SEC62: variants seen among roughly 807,000 people sequenced by gnomAD.
SEC62 encodes the protein translocation protein SEC62.
Under a neutral mutation model 47.5 loss-of-function variants are expected in SEC62, and 10 were observed. That is an observed-to-expected ratio of 0.21 (90% confidence interval 0.13 to 0.36). The LOEUF (loss-of-function observed/expected upper bound fraction) is 0.36, where lower values mean the gene tolerates loss of function less well. SEC62 is among the 10% of genes least tolerant of loss of function. The pLI is 1.00. For missense variants in SEC62, 327 were observed against 464.1 expected, an observed-to-expected ratio of 0.70 and a Z score of 2.71; for synonymous variants, 136 against 150.5, an observed-to-expected ratio of 0.90 and a Z score of 0.71.
chr3:169,993,210 C>T lies in SEC62; in HGVS notation c.*147C>T. 1 of 633,930 alleles carries T rather than the reference C, an allele frequency of 1.6e-6. No individual in the cohort carries two copies. The highest frequency in any genetic ancestry group is 2.8e-5 in the East Asian group (1 of 35,604). 39.3% of individuals were successfully genotyped at this position (633,930 alleles called of 1,614,324 possible). On this transcript the variant is annotated 3_prime_UTR_variant, in exon 8 of 8. Coordinates refer to ENST00000337002, the MANE Select transcript of SEC62 (RefSeq NM_003262.4). The stretch of plus-strand genomic sequence containing the variant: ...TGACATTCAAGCAGTTATATTCGGT[C>T]CTTCATTTTATAGAATATTGGCACT...
intron 1 of SEC62, among the ~76,000 whole-genome samples, chr3:169,970,526 CA>C (rs1183107495): frequency 1.3e-5 from 2 of 152,110 alleles, no homozygotes; most frequent in African/African-American, 4.8e-5. Context: ...TTAGAAATGT[CA>C]AACTCTATCT....
chr3:169,987,855 T>C (rs1187114668), intron 6 of SEC62, among the ~76,000 whole-genome samples: 3 of 152,208 alleles, frequency 2.0e-5, no homozygotes, highest in Non-Finnish European at 4.4e-5. Flanking sequence ...TCATTTTTTG[T>C]TGGCTTTGTT....
intron 7 of SEC62, among the ~76,000 whole-genome samples, chr3:169,991,752 C>T (rs1715253205): frequency 6.6e-6 from 1 of 152,122 alleles, no homozygotes; most frequent in Non-Finnish European, 1.5e-5. Context: ...CTTTCTAATA[C>T]TGGGGTTCCT....
chr3:169,991,586 A>C (rs758625318), intron 7 of SEC62, among the ~76,000 whole-genome samples: 1 of 152,072 alleles, frequency 6.6e-6, no homozygotes, highest in Non-Finnish European at 1.5e-5. Flanking sequence ...GGTGGCACGT[A>C]CCTGCTACTT....
At chr3:169,988,484 C>T in intron 7 of SEC62, 125 bp downstream of exon 7, 13 of 1,004,324 alleles carry the variant, frequency 1.3e-5, no homozygotes, top group Non-Finnish European at 1.9e-5. Flanking sequence ...TATGGTACTA[C>T]TTTCTGAGTC....
intron 3 of SEC62, chr3:169,978,430 G>A (rs6778063): frequency 0.28 from 43,019 of 151,958 alleles, 7,276 homozygotes; most frequent in African/African-American, 0.47. Flanking sequence ...TTAGCTCCAC[G>A]GTACAAACTT....
chr3:169,989,100 A>AT lies in SEC62; in HGVS notation c.730+743dup, dbSNP rs777590582. ...TCTGGATGATTGGGGTCTTTCATAG[A>AT]TTATTTGTTTAGAGGCAGGGTCTTG... On this transcript the variant is annotated intron_variant, in intron 7 of 7. Transcript: ENST00000337002. Among the ~76,000 whole-genome samples, 160 of 151,052 alleles carry AT rather than the reference A, an allele frequency of 1.1e-3. 1 individual carries two copies. The highest frequency in any genetic ancestry group is 1.9e-3 in the Non-Finnish European group (126 of 67,850).
In SEC62 at chr3:169,988,356, G is replaced by A. The variant is rs769022898; in HGVS notation, c.727G>A (p.Val243Ile). Residue 243 changes from valine to isoleucine, a missense_variant, in exon 7 of 8, where the codon GTT (valine) becomes ATT (isoleucine). By Grantham distance (29) the Val-to-Ile change is conservative. This residue lies in a region of SEC62 where 99 missense variants were observed against 194.0 expected (regional missense o/e 0.51). Coordinates refer to ENST00000337002, the MANE Select transcript of SEC62 (RefSeq NM_003262.4). ...TGTAGCCAGTATTCTTCTCCTTGCT[G>A]TTGGTAAGTATTGTTATTATAAAAT... ...CFVASILLLA[V>I]ARCILFLIIW... 2.3e-5 allele frequency: 37 copies of A among 1,613,288 alleles called. No individual in the cohort carries two copies. The highest frequency in any genetic ancestry group is 2.9e-5 in the Non-Finnish European group (34 of 1,179,562).
intron 1 of SEC62, 60 bp from the exon 2 acceptor site, chr3:169,975,548 A>T (rs1222537088): frequency 9.5e-7 from 1 of 1,056,094 alleles, no homozygotes; most frequent in Non-Finnish European, 1.5e-6. Flanking sequence ...GTAAATTATT[A>T]TTCAGCGCAT....
chr3:169,985,841 A>G lies in SEC62; in HGVS notation c.586A>G (p.Thr196Ala), dbSNP rs1182785818. The G allele has an allele frequency of 7.4e-6, 12 of 1,612,272 alleles. No homozygotes were observed. The highest frequency in any genetic ancestry group is 8.5e-7 in the Non-Finnish European group (1 of 1,179,112). ...GATCTATGACCCAGTTCACTTTAAA[A>G]CATTTGTCATGGGATTAATTCTTGG... ...VWIYDPVHFK[T>A]FVMGLILVIA... The change falls in exon 6 of 8, where the codon ACA becomes GCA. Residue 196 changes from threonine to alanine, a missense_variant. Thr to Ala is a moderately conservative substitution (Grantham distance 58, BLOSUM62 0). Transcript: ENST00000337002.
At chr3:169,977,335 G>A (rs1196703918) in intron 3 of SEC62, among the ~76,000 whole-genome samples, 1 of 152,072 alleles carries the variant, frequency 6.6e-6, no homozygotes, top group Non-Finnish European at 1.5e-5. Context: ...AGAAAAGAAA[G>A]TTTTTTCTTT....
chr3:169,975,529 AATAG>A, intron 1 of SEC62, 75 bp from the exon 2 acceptor site: 1 of 954,244 alleles, frequency 1.0e-6, no homozygotes, highest in Non-Finnish European at 1.6e-6. Flanking sequence ...AGATTCATAA[AATAG>A]ATTTGTAAAT....
rs746602734 is a variant in SEC62, at chr3:169,982,963, A to T, written c.456+52A>T. ...ATTTAAAAATCATTATGTGCACATG[A>T]ACACTACTGGCCTATGAGCACATTT... On this transcript the variant is annotated intron_variant, in intron 4 of 7. Transcript: ENST00000337002. 7 of 1,544,996 alleles carry T rather than the reference A, an allele frequency of 4.5e-6. No individual in the cohort carries two copies. The East Asian group carries it at 1.4e-4, about 30-fold the overall frequency.
At chr3:169,982,129 A>T (rs1714989038) in intron 3 of SEC62, among the ~76,000 whole-genome samples, 1 of 152,184 alleles carries the variant, frequency 6.6e-6, no homozygotes, top group South Asian at 2.1e-4. Flanking sequence ...TTTCAATTTG[A>T]TGTTGTGCAC....
At chr3:169,975,519 A>C in intron 1 of SEC62, 89 bp from the exon 2 acceptor site, 1 of 872,070 alleles carries the variant, frequency 1.1e-6, no homozygotes, top group Non-Finnish European at 1.8e-6. Context: ...CCACTTGAAA[A>C]GATTCATAAA....
At position 169,996,383 on chromosome 3, in the gene SEC62, C is replaced by T. The variant is rs1715376536; in HGVS notation, c.*3320C>T. The T allele has an allele frequency of 1.3e-5, 2 of 152,618 alleles. No individual in the cohort carries two copies. The highest frequency in any genetic ancestry group is 6.5e-5 in the Admixed American group (1 of 15,280). 9.5% of individuals were successfully genotyped at this position (152,618 alleles called of 1,614,324 possible). ...TATTTCAGGTCTTTGCTCATTCACT[C>T]AGTAATACTGAGCACTTACCATGTA... On this transcript the variant is annotated 3_prime_UTR_variant, in exon 8 of 8. Coordinates refer to ENST00000337002, the MANE Select transcript of SEC62 (RefSeq NM_003262.4).
chr3:169,971,533 T>C (rs1011931384), intron 1 of SEC62, among the ~76,000 whole-genome samples: 2 of 152,248 alleles, frequency 1.3e-5, no homozygotes, highest in Non-Finnish European at 2.9e-5. Context: ...AAGTTAATTC[T>C]GTGTCTAGTT....
chr3:169,973,368 G>T (rs1714748542), intron 1 of SEC62, among the ~76,000 whole-genome samples: 1 of 152,038 alleles, frequency 6.6e-6, no homozygotes, highest in African/African-American at 2.4e-5. Flanking sequence ...ATTTTTTAAG[G>T]TTCCAGTTTT....
intron 2 of SEC62, among the ~76,000 whole-genome samples, chr3:169,976,701 C>T (rs1261803070): frequency 6.6e-6 from 1 of 152,138 alleles, no homozygotes; most frequent in Non-Finnish European, 1.5e-5. Context: ...ATTAATTTAA[C>T]TTGCTTTAGT....
Sources: allele counts gnomAD v4.1 joint callset (sites outside exome capture counted in the v4.1 genomes callset), GRCh38; gene constraint gnomAD v4.1.1; regional missense constraint gnomAD v4.1.1; transcripts MANE v1.5; gene names NCBI Gene and HGNC (gene_info 2026-07-23, HGNC 2026-07-21).